Variants in MSANTD3 observed in about 807,000 individuals in gnomAD.
MSANTD3 encodes Myb/SANT DNA binding domain containing 3, also known as myb/SANT-like DNA-binding domain-containing protein 3.
Under a neutral mutation model 27.7 loss-of-function variants are expected in MSANTD3, and 11 were observed. The ratio of observed to expected loss-of-function variants is 0.40; its 90% CI spans 0.25 to 0.66. The LOEUF (loss-of-function observed/expected upper bound fraction) is 0.66. MSANTD3 is among the 30% of genes least tolerant of loss of function. The probability of loss-of-function intolerance (pLI) is 0.41; values close to 1 mark genes in which losing one functional copy is unlikely to be tolerated. For synonymous variants in MSANTD3, 131 were observed against 127.2 expected (o/e 1.03, Z -0.20); for missense variants, 250 against 336.5 (o/e 0.74, Z 2.01).
chr9:100,448,239 G>C, intron 2 of MSANTD3: 1 of 977,622 alleles, frequency 1.0e-6, no homozygotes, highest in Non-Finnish European at 1.2e-6. Context: ...TAAAGAAATT[G>C]GGCGAGACAG....
intron 1 of MSANTD3, among the ~76,000 whole-genome samples, chr9:100,437,660 T>G (rs1174039041): frequency 1.3e-5 from 2 of 152,188 alleles, no homozygotes; most frequent in Non-Finnish European, 2.9e-5. Context: ...AATTGGTAAC[T>G]TTGGATTTAC....
At chr9:100,448,800 A>G (rs1836816673) in intron 2 of MSANTD3, 1 of 985,394 alleles carries the variant, frequency 1.0e-6, no homozygotes, top group African/African-American at 1.7e-5. Context: ...AAGATTTCCA[A>G]GAGACATTTT....
Position 100,427,191 on chromosome 9 carries a change from C to A in MSANTD3, c.-236C>A, listed in dbSNP as rs1195853308. 1 of 146,074 alleles carries A rather than the reference C, an allele frequency of 6.8e-6. No individual in the cohort carries two copies. Among genetic ancestry groups the A allele is most frequent in the Non-Finnish European group, 1.5e-5 (1 of 65,820 alleles). 9.0% of individuals were successfully genotyped at this position (146,074 alleles called of 1,614,324 possible). ...AGGCGGCGGGCGGTCCGCGAGGGGG[C>A]GGCGGCGTCCGGGCTTTGTGGCCGC... On this transcript the variant is annotated 5_prime_UTR_variant, in exon 1 of 3. Coordinates refer to ENST00000395067, the MANE Select transcript of MSANTD3 (RefSeq NM_080655.3).
At chr9:100,444,377 C>G (rs1461878098) in intron 2 of MSANTD3, 4 of 152,252 alleles carry the variant, frequency 2.6e-5, no homozygotes, top group South Asian at 2.1e-4. Flanking sequence ...TCAGCTCTCT[C>G]TCTTATCACT....
rs759041685 is a variant in MSANTD3, at chr9:100,442,031, G to T, written c.93G>T (p.Val31=). The T allele has an allele frequency of 1.2e-6, 2 of 1,614,214 alleles. No homozygotes were observed. The highest frequency in any genetic ancestry group is 3.3e-5 in the Admixed American group (2 of 60,028). Residue 31 remains valine, a synonymous_variant, in exon 2 of 3, where the codon GTG becomes GTT. Transcript: ENST00000395067. The stretch of plus-strand genomic sequence containing the variant: ...CTTTAGTAGAAAAGTATAAATATGT[G>T]CTGGAATGTAAGAAAAGTGATGCGC... ...LLALVEKYKY[V]LECKKSDART... is the part of the protein sequence containing the mutation.
chr9:100,446,547 C>T (rs1262773408), intron 2 of MSANTD3, among the ~76,000 whole-genome samples: 2 of 152,004 alleles, frequency 1.3e-5, no homozygotes, highest in African/African-American at 2.4e-5. Context: ...ATTCCTAGGC[C>T]GGGCACAGTG....
intron 2 of MSANTD3, among the ~76,000 whole-genome samples, chr9:100,447,784 C>T (rs1384949032): frequency 6.6e-6 from 1 of 152,182 alleles, no homozygotes; most frequent in South Asian, 2.1e-4. Flanking sequence ...AAGCACTAGC[C>T]TAGGACCTAG....
rs145905920 is a variant in MSANTD3, at chr9:100,430,081, TCTC to T, written c.-34+2692_-34+2694del. Among the ~76,000 whole-genome samples the T allele has an allele frequency of 9.8e-3, 1,398 of 142,852 alleles. 19 individuals carry two copies. Among genetic ancestry groups the T allele is most frequent in the African/African-American group, 0.034 (1,295 of 37,928 alleles). 93.7% of individuals were successfully genotyped at this position (142,852 alleles called of 152,430 possible). ...TTGTCTTATCTTTGCCCTGCTAGTC[TCTC>T]CTCTCTCTCTCAAAAAAAAAAAAAA... On this transcript the variant is annotated intron_variant, in intron 1 of 2. Coordinates refer to ENST00000395067, the MANE Select transcript of MSANTD3 (RefSeq NM_080655.3).
At chr9:100,443,712 A>G (rs1836686192) in intron 2 of MSANTD3, among the ~76,000 whole-genome samples, 1 of 152,258 alleles carries the variant, frequency 6.6e-6, no homozygotes, top group African/African-American at 2.4e-5. Flanking sequence ...TTTAGGGGCT[A>G]TTGAAATGTC....
chr9:100,434,615 C>G (rs913779282), intron 1 of MSANTD3, among the ~76,000 whole-genome samples: 4 of 152,170 alleles, frequency 2.6e-5, no homozygotes, highest in African/African-American at 7.2e-5. Context: ...CTTCTCTTAT[C>G]AATTATTTAT....
chr9:100,445,318 A>G (rs369165988), intron 2 of MSANTD3: 17 of 873,438 alleles, frequency 1.9e-5, no homozygotes, highest in Non-Finnish European at 2.8e-5. Context: ...TGATCTTTCT[A>G]TTTCTAACAC....
At chr9:100,447,179 A>G (rs1269131867) in intron 2 of MSANTD3, among the ~76,000 whole-genome samples, 1 of 152,164 alleles carries the variant, frequency 6.6e-6, no homozygotes. Context: ...GAGAGATTAC[A>G]TGGTGTGTAT....
intron 2 of MSANTD3, among the ~76,000 whole-genome samples, chr9:100,445,709 T>C (rs530466352): frequency 1.3e-5 from 2 of 152,184 alleles, no homozygotes; most frequent in Non-Finnish European, 2.9e-5. Flanking sequence ...GATAAAACTG[T>C]TAAACAGGAT....
intron 1 of MSANTD3, chr9:100,429,675 C>T (rs1408864802): frequency 6.6e-6 from 1 of 152,366 alleles, no homozygotes; most frequent in Non-Finnish European, 1.5e-5. Context: ...GAGTATGAGA[C>T]CTTATGACAC....
chr9:100,447,117 T>C (rs1836773869), intron 2 of MSANTD3, among the ~76,000 whole-genome samples: 1 of 152,138 alleles, frequency 6.6e-6, no homozygotes, highest in African/African-American at 2.4e-5. Flanking sequence ...CTACCCTTTT[T>C]GCATAAGATT....
intron 2 of MSANTD3, among the ~76,000 whole-genome samples, chr9:100,450,013 A>G (rs2118139228): frequency 6.6e-6 from 1 of 152,326 alleles, no homozygotes. Flanking sequence ...TAAGCCAGGG[A>G]ATGTAGACTC....
intron 1 of MSANTD3, among the ~76,000 whole-genome samples, chr9:100,433,382 T>C (rs1457003054): frequency 6.6e-6 from 1 of 152,116 alleles, no homozygotes; most frequent in Non-Finnish European, 1.5e-5. Flanking sequence ...TACCTTTTTT[T>C]TCTTGGAGAC....
chr9:100,431,107 A>G (rs1048647752), intron 1 of MSANTD3, among the ~76,000 whole-genome samples: 3 of 151,806 alleles, frequency 2.0e-5, no homozygotes, highest in Non-Finnish European at 2.9e-5. Context: ...GGTTCAAGCA[A>G]TTCTCCTGCC....
intron 2 of MSANTD3, among the ~76,000 whole-genome samples, chr9:100,443,214 A>G (rs924040088): frequency 1.3e-5 from 2 of 152,078 alleles, no homozygotes; most frequent in Non-Finnish European, 2.9e-5. Flanking sequence ...AGCCTGACCA[A>G]CATGGAGAAA....
Sources: allele counts gnomAD v4.1 joint callset (sites outside exome capture counted in the v4.1 genomes callset), GRCh38; gene constraint gnomAD v4.1.1; transcripts MANE v1.5; gene names NCBI Gene and HGNC (gene_info 2026-07-23, HGNC 2026-07-21).